Variants in ASGR2 observed in about 807,000 individuals in gnomAD.
The protein encoded by ASGR2 is asialoglycoprotein receptor 2, also known as C-type lectin domain family 4 member H2.
A neutral mutation model predicts 32.3 loss-of-function variants in ASGR2; 34 were observed. The ratio of observed to expected loss-of-function variants is 1.05; its 90% confidence interval spans 0.80 to 1.40. The LOEUF (loss-of-function observed/expected upper bound fraction) is 1.40, where lower values mean the gene tolerates loss of function less well. Among genes scored for constraint, ASGR2 ranks in the 40% most tolerant of loss-of-function variants. ASGR2 has a pLI of 0.00. For missense variants in ASGR2, 385 were observed against 386.4 expected (o/e 1.00, Z 0.03); for synonymous variants, 143 against 150.0 (o/e 0.95, Z 0.34).
chr17:7,114,362 G>A lies in ASGR2; in HGVS notation c.-70-52C>T. On this transcript the variant is annotated intron_variant, in intron 1 of 8. Transcript: ENST00000691900. This position sits in a 1 kb window ranked among gnomAD's most constrained non-coding sequence, Gnocchi z 4.5. ...GAGGTTGATGGTGGGATGGAACGCA[G>A]GGTCGGAGGGGTTCGGGGTGGTGGC... 1 of 1,474,634 alleles carries A rather than the reference G, an allele frequency of 6.8e-7. No homozygotes were observed. Among genetic ancestry groups the A allele is most frequent in the African/African-American group, 1.4e-5 (1 of 71,482 alleles). 91.3% of individuals were successfully genotyped at this position (1,474,634 alleles called of 1,614,324 possible). A position where few individuals can be genotyped will look rare whatever the true frequency, so the allele number is the denominator to read the frequency against.
chr17:7,103,097 GGA>G (rs1234953243), intron 7 of ASGR2, among the ~76,000 whole-genome samples: 1 of 152,182 alleles, frequency 6.6e-6, no homozygotes, highest in African/African-American at 2.4e-5. Flanking sequence ...TGGAGAAAGT[GGA>G]GAGGGATGGA....
At chr17:7,110,022 G>A (rs1439723118) in intron 2 of ASGR2, among the ~76,000 whole-genome samples, 2 of 151,996 alleles carry the variant, frequency 1.3e-5, no homozygotes, top group East Asian at 3.9e-4. Context: ...GGACTTCCTT[G>A]TCTTCTCATT....
chr17:7,108,327 T>C lies in ASGR2; in HGVS notation c.337+135A>G. On this transcript the variant is annotated intron_variant, in intron 4 of 8. Coordinates refer to ENST00000691900, the MANE Select transcript of ASGR2 (RefSeq NM_001201352.2). The surrounding 1 kb of genome is among the most constrained non-coding windows in gnomAD (Gnocchi z 4.9). ...TCCGTCCCCACCTGCCTCCCTCCTATACATCCCCCAGGGCCCCTGGACGCC... is the reference window on the plus strand; with the variant it reads ...TCCGTCCCCACCTGCCTCCCTCCTACACATCCCCCAGGGCCCCTGGACGCC... The C allele has an allele frequency of 1.1e-6, 1 of 908,856 alleles. No individual in the cohort carries two copies. 56.3% of individuals were successfully genotyped at this position (908,856 alleles called of 1,614,324 possible).
chr17:7,104,737 G>A (rs1291133857), intron 7 of ASGR2, among the ~76,000 whole-genome samples: 1 of 151,230 alleles, frequency 6.6e-6, no homozygotes, highest in Non-Finnish European at 1.5e-5. Flanking sequence ...AGCACTTCAG[G>A]AGGCCAAGGC....
In ASGR2 at chr17:7,108,226, T is replaced by C. The variant is rs1914119404; in HGVS notation, c.337+236A>G. Among the ~76,000 whole-genome samples the C allele has an allele frequency of 6.6e-6, 1 of 151,938 alleles. No individual in the cohort carries two copies. The highest frequency in any genetic ancestry group is 6.5e-5 in the Admixed American group (1 of 15,270). Reference sequence around the variant, plus strand: ...GATGGGCCTGCCACACTCGATTTGCTCACAGGCCCAAGACATGGTGCCTTC... The same window carrying C: ...GATGGGCCTGCCACACTCGATTTGCCCACAGGCCCAAGACATGGTGCCTTC... On this transcript the variant is annotated intron_variant, in intron 4 of 8. Transcript: ENST00000691900. This position sits in a 1 kb window ranked among gnomAD's most constrained non-coding sequence, Gnocchi z 4.9.
chr17:7,107,418 C>G lies in ASGR2; in HGVS notation c.410-101G>C. On this transcript the variant is annotated intron_variant, in intron 5 of 8. Transcript: ENST00000691900. This position sits in a 1 kb window ranked among gnomAD's most constrained non-coding sequence, Gnocchi z 5.0. ...GCATATACACCCACAGACACGTACA[C>G]CATGCATAGACCACACCACACACCA... 8.2e-7 allele frequency: 1 copy of G among 1,223,386 alleles called. No individual in the cohort carries two copies. The allele number at this position is 1,223,386 out of a possible 1,614,324, so 75.8% of individuals were successfully genotyped here. A position where few individuals can be genotyped will look rare whatever the true frequency, so the allele number is the denominator to read the frequency against.
chr17:7,108,493 G>C lies in ASGR2; in HGVS notation c.306C>G (p.Thr102=). ...TGCTGATTGCCTGGACCTCCGTCAG[G>C]GTGCTCGAGGAGAAGTTGCTGAAAG... The part of the protein sequence containing the change: ...KEAFSNFSSS[T]LTEVQAISTH... The change falls in exon 4 of 9, where the codon ACC becomes ACG. Residue 102 remains threonine, a synonymous_variant. Transcript: ENST00000691900. This position sits in a 1 kb window ranked among gnomAD's most constrained non-coding sequence, Gnocchi z 4.9. 6.2e-7 allele frequency: 1 copy of C among 1,608,672 alleles called. No homozygotes were observed.
intron 7 of ASGR2, among the ~76,000 whole-genome samples, chr17:7,106,686 G>T (rs921355029): frequency 6.6e-6 from 1 of 152,130 alleles, no homozygotes; most frequent in African/African-American, 2.4e-5. Flanking sequence ...GGCGGATCAT[G>T]AGGTCAGGAG....
At position 7,113,800 on chromosome 17, in the gene ASGR2, T is replaced by TCA. The variant is rs35452249; in HGVS notation, c.124+315_124+316dup. On this transcript the variant is annotated intron_variant, in intron 2 of 8. Transcript: ENST00000691900. The surrounding 1 kb of genome is among the most constrained non-coding windows in gnomAD (Gnocchi z 5.1). ...ACATATACACACACACAACATTCAC[T>TCA]CACACACACACACAGAGTCCCAGCT... 0.32 allele frequency among the ~76,000 whole-genome samples: 48,573 copies of TCA among 151,330 alleles called. 8,019 individuals carry two copies. The highest frequency in any genetic ancestry group is 0.42 in the East Asian group (2,163 of 5,118).
In ASGR2 at chr17:7,106,517, T is replaced by G. The variant is rs118091294; in HGVS notation, c.648+483A>C. The stretch of plus-strand genomic sequence containing the variant: ...GCAAAATATGTTCGTACTCACAGTA[T>G]GCTGTAAAGTACTAACAGAGCCTGA... On this transcript the variant is annotated intron_variant, in intron 7 of 8. Transcript: ENST00000691900. Among the ~76,000 whole-genome samples, 28 of 152,336 alleles carry G rather than the reference T, an allele frequency of 1.8e-4. No individual in the cohort carries two copies. The East Asian group carries it at 4.4e-3, about 24-fold the overall frequency.
chr17:7,108,718 C>T lies in ASGR2; in HGVS notation c.241+54G>A. On this transcript the variant is annotated intron_variant, in intron 3 of 8. Coordinates refer to ENST00000691900, the MANE Select transcript of ASGR2 (RefSeq NM_001201352.2). This position sits in a 1 kb window ranked among gnomAD's most constrained non-coding sequence, Gnocchi z 4.9. ...CGCCCCGATCGCTGCCCGCCACTGC[C>T]CATGTCTCTTTCCCTACCCCTTGCC... The T allele has an allele frequency of 6.2e-7, 1 of 1,613,686 alleles. No individual in the cohort carries two copies. The highest frequency in any genetic ancestry group is 8.5e-7 in the Non-Finnish European group (1 of 1,179,738).
chr17:7,113,547 A>ACACAC lies in ASGR2; in HGVS notation c.124+569_124+570insGTGTG, dbSNP rs1915037124. ...CAACATACACACACTCATACACAAC[A>ACACAC]TACATACACACAACATACACACAAC... On this transcript the variant is annotated intron_variant, in intron 2 of 8. Coordinates refer to ENST00000691900, the MANE Select transcript of ASGR2 (RefSeq NM_001201352.2). This position sits in a 1 kb window ranked among gnomAD's most constrained non-coding sequence, Gnocchi z 5.1. Among the ~76,000 whole-genome samples the ACACAC allele has an allele frequency of 9.9e-6, 1 of 101,328 alleles. No homozygotes were observed. Among genetic ancestry groups the ACACAC allele is most frequent in the Non-Finnish European group, 2.2e-5 (1 of 44,754 alleles). 66.5% of individuals were successfully genotyped at this position (101,328 alleles called of 152,430 possible).
intron 2 of ASGR2, among the ~76,000 whole-genome samples, chr17:7,112,255 A>G (rs1399021717): frequency 2.0e-5 from 3 of 151,746 alleles, no homozygotes; most frequent in Non-Finnish European, 4.4e-5. Flanking sequence ...AGCAGAAAAA[A>G]ATCAAGTGCT....
Position 7,114,482 on chromosome 17 carries a change from T to C in ASGR2, c.-71+133A>G. The C allele has an allele frequency of 7.5e-7, 1 of 1,336,910 alleles. No homozygotes were observed. The highest frequency in any genetic ancestry group is 9.6e-7 in the Non-Finnish European group (1 of 1,040,710). The allele number at this position is 1,336,910 out of a possible 1,614,324, so 82.8% of individuals were successfully genotyped here. A position where few individuals can be genotyped will look rare whatever the true frequency, so the allele number is the denominator to read the frequency against. ...TCAGGAGACCGCTTGGGCCTTGACC[T>C]GGCCAGGAGACCCCTCCCCACGCTC... On this transcript the variant is annotated intron_variant, in intron 1 of 8. Coordinates refer to ENST00000691900, the MANE Select transcript of ASGR2 (RefSeq NM_001201352.2). This position sits in a 1 kb window ranked among gnomAD's most constrained non-coding sequence, Gnocchi z 4.5.
rs766250802 is a variant in ASGR2 at position 7,114,270 on chromosome 17, A to G, written c.-30T>C. On this transcript the variant is annotated 5_prime_UTR_variant, in exon 2 of 9. Coordinates refer to ENST00000691900, the MANE Select transcript of ASGR2 (RefSeq NM_001201352.2). The surrounding 1 kb of genome is among the most constrained non-coding windows in gnomAD (Gnocchi z 4.5). ...GGGCCCGGGCTGGAGCTGGAGCTGG[A>G]GCTGGGCTGGGCTGGGCTGAGGTTG... 2.6e-6 allele frequency: 4 copies of G among 1,557,854 alleles called. No individual in the cohort carries two copies. The South Asian group carries it at 4.4e-5, about 17-fold the overall frequency.
intron 7 of ASGR2, among the ~76,000 whole-genome samples, chr17:7,104,349 A>T (rs1405817439): frequency 7.8e-5 from 1 of 12,870 alleles, no homozygotes; most frequent in East Asian, 1.5e-3. Flanking sequence ...ACTCTGTCTT[A>T]AAAAAAAAAA....
chr17:7,101,928 C>T (rs1042473636), intron 8 of ASGR2, among the ~76,000 whole-genome samples, 162 bp downstream of exon 8: 1 of 152,152 alleles, frequency 6.6e-6, no homozygotes. Context: ...GCAACCCTCA[C>T]CCCCAGCCCA....
rs756339001 is a variant in ASGR2 at position 7,101,539 on chromosome 17, G to C, written c.*36C>G. On this transcript the variant is annotated 3_prime_UTR_variant, in exon 9 of 9. Coordinates refer to ENST00000691900, the MANE Select transcript of ASGR2 (RefSeq NM_001201352.2). ...TCAACAGAGAAGCCAGAGCTGGGCAGGTGTGGGGTATGGGTTAGCCAGAGG... is the reference window on the plus strand; with the variant it reads ...TCAACAGAGAAGCCAGAGCTGGGCACGTGTGGGGTATGGGTTAGCCAGAGG... The C allele has an allele frequency of 6.2e-7, 1 of 1,602,348 alleles. No individual in the cohort carries two copies. The highest frequency in any genetic ancestry group is 8.5e-7 in the Non-Finnish European group (1 of 1,172,108).
Position 7,108,755 on chromosome 17 carries a change from G to A in ASGR2, c.241+17C>T. ...CCCTACCCCTTGCCCATCCCTGCTG[G>A]CCCCCGTGACCCTCACTTTGGGACC... On this transcript the variant is annotated intron_variant, in intron 3 of 8. Coordinates refer to ENST00000691900, the MANE Select transcript of ASGR2 (RefSeq NM_001201352.2). The surrounding 1 kb of genome is among the most constrained non-coding windows in gnomAD (Gnocchi z 4.9). 3 of 1,613,854 alleles carry A rather than the reference G, an allele frequency of 1.9e-6. No individual in the cohort carries two copies. Among genetic ancestry groups the A allele is most frequent in the South Asian group, 1.1e-5 (1 of 91,066 alleles).
Sources: gnomAD v4.1 joint callset for allele counts (sites outside exome capture counted in the v4.1 genomes callset) on GRCh38, gnomAD v4.1.1 for gene constraint, Gnocchi (gnomAD v3.1) non-coding constraint, MANE v1.5 for transcripts, NCBI Gene and HGNC (gene_info 2026-07-23, HGNC 2026-07-21) for gene names.